Variants in DPP10 observed in about 807,000 individuals in gnomAD.
The protein encoded by DPP10 is inactive dipeptidyl peptidase 10.
Under a neutral mutation model 120.9 loss-of-function variants are expected in DPP10, and 33 were observed. The observed-to-expected ratio is 0.27, with a 90% confidence interval of 0.21 to 0.37. DPP10 has a LOEUF of 0.37. Among genes scored for constraint, DPP10 ranks in the 10% least tolerant of loss-of-function variants. The pLI is 1.00. For missense variants in DPP10, 816 were observed against 942.8 expected, an observed-to-expected ratio of 0.87 and a Z score of 1.76; for synonymous variants, 337 against 326.1, an observed-to-expected ratio of 1.03 and a Z score of -0.36.
chr2:115,435,666 A>T (rs373372411), intron 3 of DPP10, among the ~76,000 whole-genome samples: 4 of 151,594 alleles, frequency 2.6e-5, no homozygotes, highest in Admixed American at 6.6e-5. Context: ...TACTTTGTTG[A>T]TTTGTTTCCT....
chr2:115,799,509 G>A (rs1231708328), intron 19 of DPP10, among the ~76,000 whole-genome samples: 2 of 151,460 alleles, frequency 1.3e-5, no homozygotes, highest in Non-Finnish European at 2.9e-5. Context: ...ATGTATACAT[G>A]TGCCATGTTG....
chr2:114,627,842 T>C (rs1208207989), intron 1 of DPP10, among the ~76,000 whole-genome samples: 3 of 152,222 alleles, frequency 2.0e-5, no homozygotes, highest in East Asian at 1.9e-4. Context: ...TATCTTGGGA[T>C]TGGCATTGGC....
chr2:114,500,688 A>C lies in DPP10; in HGVS notation c.60+57850A>C, dbSNP rs184684449. ...GAAAAACAAAACAAAACAAAACAAA[A>C]AAGCCAGAAAGAATACAAGGTGAAG... On this transcript the variant is annotated intron_variant, in intron 1 of 25. Transcript: ENST00000410059. Among the ~76,000 whole-genome samples the C allele has an allele frequency of 4.6e-5, 7 of 152,274 alleles. No homozygotes were observed. In the East Asian group the frequency reaches 1.3e-3, roughly 29 times the overall value.
intron 1 of DPP10, among the ~76,000 whole-genome samples, chr2:114,937,312 C>T (rs1227888415): frequency 6.6e-6 from 1 of 152,114 alleles, no homozygotes; most frequent in African/African-American, 2.4e-5. Context: ...ATGTGACTTG[C>T]CAATCATCTC....
intron 1 of DPP10, among the ~76,000 whole-genome samples, chr2:114,869,264 T>C (rs17043702): frequency 0.039 from 5,872 of 152,176 alleles, 198 homozygotes; most frequent in African/African-American, 0.087. Flanking sequence ...TATGAGCATA[T>C]ACGATACTTA....
At chr2:115,334,230 G>GTTTTGTTTTTTTTTTTTTTTTTTTTTT (rs1553554646) in intron 2 of DPP10, among the ~76,000 whole-genome samples, 1 of 56,412 alleles carries the variant, frequency 1.8e-5, no homozygotes, top group Non-Finnish European at 4.0e-5. Context: ...AGCAGACTCT[G>GTTTTGTTTTTTTTTTTTTTTTTTTTTT]TTTTTTTTTT....
intron 1 of DPP10, among the ~76,000 whole-genome samples, chr2:114,988,946 T>TA (rs944635974): frequency 6.2e-4 from 92 of 148,084 alleles, no homozygotes; most frequent in Middle Eastern, 3.4e-3. Context: ...CATCTGCAAT[T>TA]AAAAAAAAAA....
At chr2:114,594,196 G>A (rs540149256) in intron 1 of DPP10, among the ~76,000 whole-genome samples, 13 of 152,072 alleles carry the variant, frequency 8.5e-5, no homozygotes, top group African/African-American at 2.9e-4. Context: ...GACTGTTCTA[G>A]CCTCCCAGCA....
intron 2 of DPP10, among the ~76,000 whole-genome samples, chr2:115,321,349 CCTT>C (rs1259804775): frequency 2.6e-5 from 4 of 151,910 alleles, no homozygotes; most frequent in Admixed American, 2.6e-4. Flanking sequence ...TGTTGTTCCA[CCTT>C]CTTCTTGTCT....
At chr2:115,431,826 T>C (rs567517237) in intron 3 of DPP10, among the ~76,000 whole-genome samples, 14 of 152,210 alleles carry the variant, frequency 9.2e-5, no homozygotes, top group African/African-American at 3.1e-4. Context: ...AAGCAGGCAC[T>C]TGCATCTGCC....
intron 3 of DPP10, among the ~76,000 whole-genome samples, chr2:115,422,554 G>A (rs1473691344): frequency 6.6e-6 from 1 of 152,128 alleles, no homozygotes; most frequent in Non-Finnish European, 1.5e-5. Context: ...CATAGATTTT[G>A]TTTGCCCATG....
intron 1 of DPP10, among the ~76,000 whole-genome samples, chr2:114,916,687 C>T (rs1228178941): frequency 6.6e-6 from 1 of 152,120 alleles, no homozygotes; most frequent in Non-Finnish European, 1.5e-5. Context: ...AATAAATAAA[C>T]GTGATTCATC....
chr2:115,499,483 C>A, intron 3 of DPP10, 27 bp from the exon 4 acceptor site: 1 of 1,564,648 alleles, frequency 6.4e-7, no homozygotes, highest in Non-Finnish European at 8.7e-7. Flanking sequence ...ATGTATTTGT[C>A]AATTGTGAAT....
At chr2:114,532,512 T>C (rs1346304064) in intron 1 of DPP10, among the ~76,000 whole-genome samples, 2 of 151,884 alleles carry the variant, frequency 1.3e-5, no homozygotes, top group African/African-American at 4.8e-5. Context: ...AATTAGAATA[T>C]GGCCAGTGTC....
Position 115,551,066 on chromosome 2 carries a change from A to C in DPP10, c.441+25094A>C, listed in dbSNP as rs147937511. ...TCTGGCAATATTGGCATATGGAGACATTTTCCCATGGTAACCATTGGTTCA... is the reference window on the plus strand; with the variant it reads ...TCTGGCAATATTGGCATATGGAGACCTTTTCCCATGGTAACCATTGGTTCA... On this transcript the variant is annotated intron_variant, in intron 5 of 25. Coordinates refer to ENST00000410059, the MANE Select transcript of DPP10 (RefSeq NM_020868.6). Among the ~76,000 whole-genome samples the C allele has an allele frequency of 2.6e-5, 4 of 152,140 alleles. No homozygotes were observed. In the East Asian group the frequency reaches 7.7e-4, roughly 29 times the overall value.
chr2:115,428,310 A>G (rs2070664223), intron 3 of DPP10, among the ~76,000 whole-genome samples: 1 of 152,136 alleles, frequency 6.6e-6, no homozygotes, highest in African/African-American at 2.4e-5. Context: ...TTTTATAACA[A>G]TGCCCTATGC....
At chr2:114,784,716 G>C (rs1400688986) in intron 1 of DPP10, among the ~76,000 whole-genome samples, 2 of 151,382 alleles carry the variant, frequency 1.3e-5, no homozygotes, top group Admixed American at 1.3e-4. Flanking sequence ...TAAAAATTAA[G>C]AATATAGTTG....
At chr2:115,139,788 G>A (rs1444823024) in intron 1 of DPP10, among the ~76,000 whole-genome samples, 5 of 133,274 alleles carry the variant, frequency 3.8e-5, no homozygotes, top group African/African-American at 1.1e-4. Context: ...ATACCTTGAC[G>A]ATTCTGTGCT....
At chr2:114,532,296 T>TATACACACACAC (rs1342125338) in intron 1 of DPP10, among the ~76,000 whole-genome samples, 1 of 74,760 alleles carries the variant, frequency 1.3e-5, no homozygotes, top group African/African-American at 6.6e-5. Context: ...TATATATATA[T>TATACACACACAC]ACACACACAC....
Sources: gnomAD v4.1 joint callset for allele counts (sites outside exome capture counted in the v4.1 genomes callset) on GRCh38, gnomAD v4.1.1 for gene constraint, MANE v1.5 for transcripts, NCBI Gene and HGNC (gene_info 2026-07-23, HGNC 2026-07-21) for gene names.